DYRK1A: variants seen among roughly 807,000 people sequenced by gnomAD.
DYRK1A encodes dual specificity tyrosine-phosphorylation-regulated kinase 1A.
Under a neutral mutation model 79.7 loss-of-function variants are expected in DYRK1A, and 9 were observed. The ratio of observed to expected loss-of-function variants is 0.11; its 90% CI spans 0.07 to 0.20. The LOEUF is 0.20. Ranked by LOEUF, DYRK1A falls within the 10% of genes least tolerant of loss-of-function variation. The pLI is 1.00. For synonymous variants in DYRK1A, 349 were observed against 329.7 expected (o/e 1.06, Z -0.63); for missense variants, 622 against 956.0 (o/e 0.65, Z 4.61).
chr21:37,405,619 A>G (rs1437108623), intron 1 of DYRK1A, among the ~76,000 whole-genome samples: 1 of 152,202 alleles, frequency 6.6e-6, no homozygotes, highest in African/African-American at 2.4e-5. Context: ...AGATACAAAG[A>G]CTACAAATTC....
chr21:37,433,735 A>G (rs1473309650), intron 2 of DYRK1A, among the ~76,000 whole-genome samples: 1 of 152,194 alleles, frequency 6.6e-6, no homozygotes, highest in Non-Finnish European at 1.5e-5. Flanking sequence ...ATCCTGAGCT[A>G]ATCTCATGAA....
At chr21:37,477,893 G>A (rs544115207) in intron 3 of DYRK1A, among the ~76,000 whole-genome samples, 9 of 152,256 alleles carry the variant, frequency 5.9e-5, no homozygotes, top group African/African-American at 1.7e-4. Flanking sequence ...AGAAGCCCTC[G>A]TGGGCAACAT....
chr21:37,478,183 G>A, intron 3 of DYRK1A, 25 bp from the exon 4 acceptor site: 2 of 1,613,810 alleles, frequency 1.2e-6, no homozygotes, highest in Non-Finnish European at 8.5e-7. Context: ...TATTTAAGGT[G>A]ATGCCTGATA....
intron 2 of DYRK1A, among the ~76,000 whole-genome samples, chr21:37,430,874 G>A (rs1261602655): frequency 6.6e-6 from 1 of 152,094 alleles, no homozygotes; most frequent in Non-Finnish European, 1.5e-5. Flanking sequence ...ACTGGCGGAG[G>A]CTGATCATGC....
At chr21:37,406,911 T>C (rs2050158655) in intron 1 of DYRK1A, among the ~76,000 whole-genome samples, 2 of 149,270 alleles carry the variant, frequency 1.3e-5, no homozygotes, top group Admixed American at 1.3e-4. Flanking sequence ...AAAATTCTTT[T>C]TGAGTTGATG....
At chr21:37,417,534 T>TA (rs1555959240) in intron 1 of DYRK1A, among the ~76,000 whole-genome samples, 1 of 84,234 alleles carries the variant, frequency 1.2e-5, no homozygotes, top group Non-Finnish European at 2.5e-5. Flanking sequence ...TTTTTCTTTT[T>TA]TTTTTTTTTT....
At chr21:37,447,293 C>T (rs762327716) in intron 2 of DYRK1A, among the ~76,000 whole-genome samples, 2 of 152,044 alleles carry the variant, frequency 1.3e-5, no homozygotes, top group Non-Finnish European at 2.9e-5. Flanking sequence ...GACAATGACA[C>T]ACCCCATGTA....
chr21:37,512,643 G>C lies in DYRK1A; in HGVS notation c.*112G>C, dbSNP rs911240213. 4 of 1,284,006 alleles carry C rather than the reference G, an allele frequency of 3.1e-6. No individual in the cohort carries two copies. The highest frequency in any genetic ancestry group is 4.3e-6 in the Non-Finnish European group (4 of 935,234). 79.5% of individuals were successfully genotyped at this position (1,284,006 alleles called of 1,614,324 possible). On this transcript the variant is annotated 3_prime_UTR_variant, in exon 12 of 12. Transcript: ENST00000647188. ...CAGGAGGAGATTAACACACTGAACCGCTACAAGAGGGCAAAGCTGATTTTT... is the reference window on the plus strand; with the variant it reads ...CAGGAGGAGATTAACACACTGAACCCCTACAAGAGGGCAAAGCTGATTTTT...
chr21:37,440,228 T>C (rs547321658), intron 2 of DYRK1A, among the ~76,000 whole-genome samples: 2 of 139,086 alleles, frequency 1.4e-5, no homozygotes, highest in Admixed American at 1.5e-4. Context: ...CTCCGCCCCC[T>C]GGGTTCAAGT....
chr21:37,426,331 CAG>C (rs1318189167), intron 2 of DYRK1A, among the ~76,000 whole-genome samples: 1 of 152,086 alleles, frequency 6.6e-6, no homozygotes, highest in African/African-American at 2.4e-5. Flanking sequence ...AAAATCCCCA[CAG>C]AGTTTTTATA....
At chr21:37,414,028 T>C (rs947546556) in intron 1 of DYRK1A, among the ~76,000 whole-genome samples, 6 of 152,126 alleles carry the variant, frequency 3.9e-5, no homozygotes, top group Admixed American at 3.9e-4. Flanking sequence ...GTGCACCTGG[T>C]AAAATGATGA....
rs2053793259 is a variant in DYRK1A, at chr21:37,512,798, C to T, written c.*267C>T. 1 of 428,868 alleles carries T rather than the reference C, an allele frequency of 2.3e-6. No individual in the cohort carries two copies. 26.6% of individuals were successfully genotyped at this position (428,868 alleles called of 1,614,324 possible). ...ATTTTAACTTGCCACATCCCAGTCA[C>T]AGTGGGGTTTTTTTGTCTTTCTATT... On this transcript the variant is annotated 3_prime_UTR_variant, in exon 12 of 12. Coordinates refer to ENST00000647188, the MANE Select transcript of DYRK1A (RefSeq NM_001347721.2).
chr21:37,389,400 A>G (rs1361005366), intron 1 of DYRK1A, among the ~76,000 whole-genome samples: 1 of 152,060 alleles, frequency 6.6e-6, no homozygotes, highest in Non-Finnish European at 1.5e-5. Context: ...TTCTGGGCTC[A>G]AGCAGTCTGC....
intron 1 of DYRK1A, among the ~76,000 whole-genome samples, chr21:37,398,810 C>G (rs934451865): frequency 2.0e-5 from 3 of 151,780 alleles, no homozygotes; most frequent in African/African-American, 7.3e-5. Flanking sequence ...CATAACAGGA[C>G]AGGTTGTGAA....
At chr21:37,506,249 T>C (rs1306899291) in intron 11 of DYRK1A, 26 bp downstream of exon 11, 2 of 1,613,792 alleles carry the variant, frequency 1.2e-6, no homozygotes, top group African/African-American at 2.7e-5. Context: ...GTTCATTTGC[T>C]TGTGTCACCT....
chr21:37,422,029 A>G (rs183287260), intron 2 of DYRK1A, among the ~76,000 whole-genome samples: 123 of 152,250 alleles, frequency 8.1e-4, no homozygotes, highest in Non-Finnish European at 1.4e-3. Context: ...TGAAAGGCTT[A>G]TGGTCTCAAT....
At chr21:37,495,152 T>TG (rs2053224179) in intron 8 of DYRK1A, among the ~76,000 whole-genome samples, 3 of 137,740 alleles carry the variant, frequency 2.2e-5, no homozygotes, top group African/African-American at 5.5e-5. Flanking sequence ...CTCTGGGATT[T>TG]TGTGTGTGTG....
chr21:37,396,920 A>AG (rs1321507728), intron 1 of DYRK1A, among the ~76,000 whole-genome samples: 1 of 152,146 alleles, frequency 6.6e-6, no homozygotes, highest in African/African-American at 2.4e-5. Context: ...GTGAGTGCCT[A>AG]GGTTGGTGGC....
chr21:37,400,883 G>A (rs961236176), intron 1 of DYRK1A, among the ~76,000 whole-genome samples: 20 of 152,098 alleles, frequency 1.3e-4, no homozygotes, highest in Non-Finnish European at 2.9e-4. Flanking sequence ...AGTGGCTCAC[G>A]CCTGTAATCC....
Sources: gnomAD v4.1 joint callset for allele counts (sites outside exome capture counted in the v4.1 genomes callset) on GRCh38, gnomAD v4.1.1 for gene constraint, MANE v1.5 for transcripts, NCBI Gene and HGNC (gene_info 2026-07-23, HGNC 2026-07-21) for gene names.